Variants in CGNL1 observed in about 807,000 individuals in gnomAD.
CGNL1 encodes the protein cingulin like 1.
CGNL1 carries 132 observed loss-of-function variants against 141.2 expected under a neutral mutation model. The observed-to-expected ratio is 0.93, with a 90% confidence interval of 0.81 to 1.08. The LOEUF is 1.08. Among genes scored for constraint, CGNL1 ranks in the 50% least tolerant of loss-of-function variants. The probability of loss-of-function intolerance (pLI) is 0.00; values close to 1 mark genes in which losing one functional copy is unlikely to be tolerated. For synonymous variants in CGNL1, 690 were observed against 622.1 expected, an observed-to-expected ratio of 1.11 and a Z score of -1.63; for missense variants, 1,870 against 1,588.6, an observed-to-expected ratio of 1.18 and a Z score of -3.01.
chr15:57,497,733 G>A (rs893256669), intron 8 of CGNL1, among the ~76,000 whole-genome samples: 1 of 152,228 alleles, frequency 6.6e-6, no homozygotes, highest in African/African-American at 2.4e-5. Context: ...GGTGGCTTCA[G>A]CTCAGGCCAC....
chr15:57,434,165 T>C (rs976949215), intron 1 of CGNL1, among the ~76,000 whole-genome samples: 2 of 152,158 alleles, frequency 1.3e-5, no homozygotes, highest in Non-Finnish European at 2.9e-5. Flanking sequence ...AAAGTTACAG[T>C]TTTCCTTGCA....
At chr15:57,428,199 T>A (rs908367456) in intron 1 of CGNL1, among the ~76,000 whole-genome samples, 1 of 152,210 alleles carries the variant, frequency 6.6e-6, no homozygotes, top group African/African-American at 2.4e-5. Flanking sequence ...GGTGACATGC[T>A]GTGGTCCACA....
chr15:57,378,922 AT>A (rs777973885), intron 1 of CGNL1, among the ~76,000 whole-genome samples: 4 of 152,270 alleles, frequency 2.6e-5, no homozygotes, highest in East Asian at 3.9e-4. Flanking sequence ...AGCCGTCTTC[AT>A]TGTCTTGGCT....
Position 57,523,549 on chromosome 15 carries a change from A to T in CGNL1, c.2776A>T (p.Ser926Cys), listed in dbSNP as rs143361531. The change falls in exon 11 of 19, where the codon AGT becomes TGT. Residue 926 changes from serine (S) to cysteine (C), a missense_variant. By Grantham distance (112) the Ser-to-Cys change is moderately radical (BLOSUM62 -1). Coordinates refer to ENST00000281282, the MANE Select transcript of CGNL1 (RefSeq NM_032866.5). ...KQLSEKLKEE[S>C]EQKEQLRRLK... ...GTTGTCTGAGAAGCTCAAAGAGGAG[A>T]GTGAGCAGAAGGAGCAGCTAAGAAG... 1.0e-3 allele frequency: 1,686 copies of T among 1,614,148 alleles called. 30 individuals carry two copies. In the South Asian group the frequency reaches 0.018, roughly 17 times the overall value.
intron 1 of CGNL1, among the ~76,000 whole-genome samples, chr15:57,436,254 G>A (rs186312227): frequency 3.3e-5 from 5 of 152,086 alleles, no homozygotes; most frequent in Non-Finnish European, 7.4e-5. Flanking sequence ...TCTCCCTTGC[G>A]GCTGGGGGTG....
intron 8 of CGNL1, among the ~76,000 whole-genome samples, chr15:57,489,109 A>G (rs184542794): frequency 1.3e-5 from 2 of 152,380 alleles, no homozygotes; most frequent in Non-Finnish European, 2.9e-5. Context: ...TAAAGTATCC[A>G]AAGTTATGGA....
In CGNL1 at chr15:57,439,504, C is replaced by T. The variant is rs2063157654; in HGVS notation, c.1505C>T (p.Ala502Val). 2 of 1,614,222 alleles carry T rather than the reference C, an allele frequency of 1.2e-6. No individual in the cohort carries two copies. The highest frequency in any genetic ancestry group is 1.7e-6 in the Non-Finnish European group (2 of 1,180,030). Residue 502 changes from alanine to valine, a missense_variant, in exon 2 of 19, where the codon GCT (alanine) becomes GTT (valine). By Grantham distance (64) the Ala-to-Val change is moderately conservative. Transcript: ENST00000281282. The stretch of plus-strand genomic sequence containing the variant: ...GAGGAGGAGGTGAAAACAGCCACCG[C>T]TACGCTGATGTTACAGAACCGGGCA... ...KKEEEVKTAT[A>V]TLMLQNRATA...
intron 1 of CGNL1, chr15:57,393,810 G>A (rs1396667525): frequency 1.3e-5 from 2 of 152,054 alleles, no homozygotes; most frequent in East Asian, 3.9e-4. Context: ...TGACTAAGTG[G>A]TGTAATTTTA....
chr15:57,512,786 A>G (rs1196484012), intron 8 of CGNL1, among the ~76,000 whole-genome samples: 1 of 152,144 alleles, frequency 6.6e-6, no homozygotes, highest in Non-Finnish European at 1.5e-5. Flanking sequence ...CTGACCACAC[A>G]TCTAAGTGTT....
chr15:57,470,539 C>T (rs2063569240), intron 8 of CGNL1, among the ~76,000 whole-genome samples: 1 of 152,094 alleles, frequency 6.6e-6, no homozygotes, highest in Non-Finnish European at 1.5e-5. Flanking sequence ...AGCATCTCTG[C>T]AAGTCACTCC....
chr15:57,387,111 T>G lies in CGNL1; in HGVS notation c.-16+10544T>G, dbSNP rs907475. On this transcript the variant is annotated intron_variant, in intron 1 of 18. Coordinates refer to ENST00000281282, the MANE Select transcript of CGNL1 (RefSeq NM_032866.5). ...TTCCTCCCTTCCCCCAGCCACTCCC[T>G]CCCTGCGAGCCCGCTCATCTATTTT... Among the ~76,000 whole-genome samples the G allele has an allele frequency of 4.4e-3, 674 of 152,218 alleles. 3 individuals carry two copies. The highest frequency in any genetic ancestry group is 0.016 in the African/African-American group (653 of 41,538).
rs374305578 is a variant in CGNL1 at position 57,440,362 on chromosome 15, G to A, written c.1603-15G>A. 21 of 1,581,096 alleles carry A rather than the reference G, an allele frequency of 1.3e-5. No individual in the cohort carries two copies. The highest frequency in any genetic ancestry group is 1.7e-4 in the Middle Eastern group (1 of 5,992). On this transcript the variant is annotated splice_polypyrimidine_tract_variant and intron_variant, in intron 2 of 18. Coordinates refer to ENST00000281282, the MANE Select transcript of CGNL1 (RefSeq NM_032866.5). ...ACTTCATCCTCATGGTCTAACAACAGGCCTTATGTTCCAGGCCACACCGGA... is the reference window on the plus strand; with the variant it reads ...ACTTCATCCTCATGGTCTAACAACAAGCCTTATGTTCCAGGCCACACCGGA...
intron 4 of CGNL1, among the ~76,000 whole-genome samples, chr15:57,446,663 T>G (rs2063255948): frequency 7.2e-6 from 1 of 138,002 alleles, no homozygotes; most frequent in African/African-American, 2.7e-5. Context: ...AACTGAACAT[T>G]ACTTTTTTTT....
chr15:57,461,537 C>G (rs2063445995), intron 7 of CGNL1, 143 bp from the exon 8 acceptor site: 1 of 706,970 alleles, frequency 1.4e-6, no homozygotes, highest in African/African-American at 1.8e-5. Context: ...ATGGTCTAAA[C>G]AGGTGTGCGG....
intron 8 of CGNL1, among the ~76,000 whole-genome samples, chr15:57,484,925 G>T (rs1346794732): frequency 9.6e-5 from 14 of 145,086 alleles, no homozygotes; most frequent in South Asian, 2.2e-4. Flanking sequence ...GTTTCATTGG[G>T]TTTTTTTTTT....
chr15:57,382,571 C>T (rs1247661376), intron 1 of CGNL1, among the ~76,000 whole-genome samples: 1 of 152,176 alleles, frequency 6.6e-6, no homozygotes, highest in Non-Finnish European at 1.5e-5. Context: ...TAATCTTTTC[C>T]TGTTACTTAT....
intron 1 of CGNL1, among the ~76,000 whole-genome samples, chr15:57,426,559 A>G (rs1007400782): frequency 7.1e-6 from 1 of 140,022 alleles, no homozygotes; most frequent in Admixed American, 7.2e-5. Context: ...TGATCCTCCC[A>G]CCTCAGCTTC....
chr15:57,481,116 T>TG (rs2063720985), intron 8 of CGNL1, among the ~76,000 whole-genome samples: 1 of 146,646 alleles, frequency 6.8e-6, no homozygotes, highest in Non-Finnish European at 1.5e-5. Context: ...AAAAGAATTT[T>TG]TAAAAAATCA....
intron 1 of CGNL1, among the ~76,000 whole-genome samples, chr15:57,390,714 C>T (rs571976445): frequency 2.5e-4 from 38 of 152,196 alleles, no homozygotes; most frequent in Middle Eastern, 3.4e-3. Flanking sequence ...CCTGTACATT[C>T]GCTGGCATGC....
Sources: allele counts gnomAD v4.1 joint callset (sites outside exome capture counted in the v4.1 genomes callset), GRCh38; gene constraint gnomAD v4.1.1; transcripts MANE v1.5; gene names NCBI Gene and HGNC (gene_info 2026-07-23, HGNC 2026-07-21).